SLC8A1: variants seen among roughly 807,000 people sequenced by gnomAD.
SLC8A1 encodes sodium/calcium exchanger 1.
SLC8A1 carries 18 observed loss-of-function variants against 68.3 expected under a neutral mutation model. The observed-to-expected ratio is 0.26, with a 90% CI of 0.18 to 0.39. SLC8A1 has a LOEUF of 0.39. SLC8A1 is among the 10% of genes least tolerant of loss of function. The pLI is 1.00. For missense variants in SLC8A1, 985 were observed against 1,156.7 expected (o/e 0.85, Z 2.15); for synonymous variants, 475 against 415.5 (o/e 1.14, Z -1.74).
chr2:40,348,525 C>T (rs1192185725), intron 2 of SLC8A1, among the ~76,000 whole-genome samples: 1 of 152,184 alleles, frequency 6.6e-6, no homozygotes, highest in Non-Finnish European at 1.5e-5. Flanking sequence ...TAAATCTGCG[C>T]AAGAAACATA....
intron 2 of SLC8A1, among the ~76,000 whole-genome samples, chr2:40,183,514 T>C (rs957891676): frequency 6.6e-6 from 1 of 152,208 alleles, no homozygotes; most frequent in Non-Finnish European, 1.5e-5. Context: ...CTGAGGACTC[T>C]GAATAGTTTT....
chr2:40,153,424 T>C (rs1190478796), intron 6 of SLC8A1, among the ~76,000 whole-genome samples: 1 of 152,190 alleles, frequency 6.6e-6, no homozygotes, highest in African/African-American at 2.4e-5. Flanking sequence ...AAATAAAGAA[T>C]TTAAACACTT....
At chr2:40,354,284 C>A (rs1672023679) in intron 2 of SLC8A1, among the ~76,000 whole-genome samples, 1 of 152,122 alleles carries the variant, frequency 6.6e-6, no homozygotes, top group South Asian at 2.1e-4. Context: ...ATTATTATAA[C>A]TGAGGTGATC....
intron 7 of SLC8A1, among the ~76,000 whole-genome samples, chr2:40,126,645 A>G (rs2038163489): frequency 6.6e-6 from 1 of 152,176 alleles, no homozygotes; most frequent in Non-Finnish European, 1.5e-5. Context: ...GACACAGATT[A>G]GAGGTTTGAA....
intron 2 of SLC8A1, among the ~76,000 whole-genome samples, chr2:40,312,357 T>C (rs1392617933): frequency 6.6e-6 from 1 of 152,132 alleles, no homozygotes; most frequent in Non-Finnish European, 1.5e-5. Context: ...TGAGGGGTAC[T>C]ATTTTCATCA....
chr2:40,509,850 G>T (rs1006657358), intron 1 of SLC8A1, among the ~76,000 whole-genome samples: 1 of 150,962 alleles, frequency 6.6e-6, no homozygotes, highest in Non-Finnish European at 1.5e-5. Flanking sequence ...TCACTCTGTC[G>T]TCCAGGCTGG....
At chr2:40,439,801 G>T (rs1700136185) in intron 1 of SLC8A1, among the ~76,000 whole-genome samples, 1 of 152,044 alleles carries the variant, frequency 6.6e-6, no homozygotes, top group East Asian at 1.9e-4. Flanking sequence ...TGAAAAGAGT[G>T]GAAGTAGGAA....
At chr2:40,447,588 TAAA>T (rs139695930) in intron 1 of SLC8A1, among the ~76,000 whole-genome samples, 32,397 of 139,166 alleles carry the variant, frequency 0.23, 3,876 homozygotes, top group East Asian at 0.49. Context: ...CAATCCAAGT[TAAA>T]AAAAAAAAAA....
At chr2:40,440,924 G>C (rs1403832285) in intron 1 of SLC8A1, among the ~76,000 whole-genome samples, 1 of 152,088 alleles carries the variant, frequency 6.6e-6, no homozygotes, top group Non-Finnish European at 1.5e-5. Flanking sequence ...GGAAGTTCTG[G>C]CCAGGGCATT....
intron 6 of SLC8A1, among the ~76,000 whole-genome samples, chr2:40,149,394 A>T (rs906425747): frequency 6.6e-6 from 1 of 152,218 alleles, no homozygotes; most frequent in African/African-American, 2.4e-5. Context: ...TAATAATTTC[A>T]GATACTGATA....
At chr2:40,449,524 T>C (rs1249850584) in intron 1 of SLC8A1, among the ~76,000 whole-genome samples, 1 of 152,222 alleles carries the variant, frequency 6.6e-6, no homozygotes, top group African/African-American at 2.4e-5. Context: ...AATAGTCCTA[T>C]AGATGTTACT....
intron 1 of SLC8A1, among the ~76,000 whole-genome samples, chr2:40,469,249 C>T (rs1703870821): frequency 6.6e-6 from 1 of 152,084 alleles, no homozygotes; most frequent in Admixed American, 6.6e-5. Flanking sequence ...GTAATACCTA[C>T]ATGTTGGAGG....
At chr2:40,357,404 G>A (rs757216056) in intron 2 of SLC8A1, among the ~76,000 whole-genome samples, 1 of 151,354 alleles carries the variant, frequency 6.6e-6, no homozygotes, top group Non-Finnish European at 1.5e-5. Context: ...GGCAGAGGTG[G>A]GAGGATTGCT....
At chr2:40,353,212 T>C (rs1453261374) in intron 2 of SLC8A1, among the ~76,000 whole-genome samples, 3 of 152,184 alleles carry the variant, frequency 2.0e-5, no homozygotes, top group African/African-American at 7.2e-5. Context: ...TCCTGCCTGC[T>C]CAAATTTTGT....
At chr2:40,430,292 C>T (rs191141159) in exon 2 of SLC8A1, 3 of 1,590,762 alleles carry the variant, frequency 1.9e-6, no homozygotes, top group African/African-American at 2.7e-5. Context: ...ACACTTCCAA[C>T]TGTCACAACC....
At chr2:40,196,016 C>T (rs1286633243) in intron 2 of SLC8A1, 3 of 151,114 alleles carry the variant, frequency 2.0e-5, no homozygotes. Context: ...ATGCTAGGGT[C>T]CTTGAAGCTT....
At chr2:40,379,922 C>T (rs970725054) in intron 2 of SLC8A1, among the ~76,000 whole-genome samples, 3 of 151,948 alleles carry the variant, frequency 2.0e-5, no homozygotes, top group Admixed American at 1.3e-4. Context: ...CAATATGGAG[C>T]CATTAGGAAA....
intron 2 of SLC8A1, among the ~76,000 whole-genome samples, chr2:40,345,976 C>T (rs1669115344): frequency 7.0e-6 from 1 of 142,232 alleles, no homozygotes; most frequent in Non-Finnish European, 1.5e-5. Context: ...CAAACCTGCA[C>T]ATACTGCACG....
At chr2:40,313,550 A>G (rs1252902487) in intron 2 of SLC8A1, among the ~76,000 whole-genome samples, 2 of 151,922 alleles carry the variant, frequency 1.3e-5, no homozygotes, top group Non-Finnish European at 2.9e-5. Flanking sequence ...TCCTCCATGT[A>G]TTTATAAATA....
Sources: gnomAD v4.1 joint callset for allele counts (sites outside exome capture counted in the v4.1 genomes callset) on GRCh38, gnomAD v4.1.1 for gene constraint, MANE v1.5 for transcripts, NCBI Gene and HGNC (gene_info 2026-07-23, HGNC 2026-07-21) for gene names.